Variants in FGF12 observed in about 807,000 individuals in gnomAD.
FGF12 encodes fibroblast growth factor 12.
In FGF12, 14 loss-of-function variants were observed where a neutral mutation model predicts 23.6. The ratio of observed to expected loss-of-function variants is 0.59; its 90% CI spans 0.39 to 0.93. FGF12 has a LOEUF of 0.93. Ranked by LOEUF, FGF12 falls within the 40% of genes least tolerant of loss-of-function variation. The pLI, the probability that FGF12 is intolerant of heterozygous loss-of-function variation, is 0.00. For missense variants in FGF12, 175 were observed against 217.8 expected (o/e 0.80, Z 1.24); for synonymous variants, 62 against 77.3 (o/e 0.80, Z 1.04).
At chr3:192,675,974 A>G (rs958340715) in intron 2 of FGF12, among the ~76,000 whole-genome samples, 6 of 152,304 alleles carry the variant, frequency 3.9e-5, no homozygotes, top group East Asian at 1.9e-4. Flanking sequence ...AGACTCACTC[A>G]GGTTGACATA....
At chr3:192,584,373 T>C (rs1213874302) in intron 2 of FGF12, among the ~76,000 whole-genome samples, 1 of 152,002 alleles carries the variant, frequency 6.6e-6, no homozygotes, top group Non-Finnish European at 1.5e-5. Context: ...AACATAATTA[T>C]AAGAATTTTT....
At chr3:192,224,242 T>C (rs1289773562) in intron 4 of FGF12, among the ~76,000 whole-genome samples, 1 of 152,162 alleles carries the variant, frequency 6.6e-6, no homozygotes, top group Admixed American at 6.6e-5. Context: ...ATTATGATGA[T>C]AGTGGTGATG....
At position 192,408,829 on chromosome 3, in the gene FGF12, C is replaced by T. The variant is rs1346930032; in HGVS notation, c.14-48291G>A. 2.0e-6 allele frequency: 2 copies of T among 985,534 alleles called. No homozygotes were observed. The highest frequency in any genetic ancestry group is 1.1e-4 in the East Asian group (1 of 8,818). The allele number at this position is 985,534 out of a possible 1,614,324, so 61.0% of individuals were successfully genotyped here. A position where few individuals can be genotyped will look rare whatever the true frequency, so the allele number is the denominator to read the frequency against. On this transcript the variant is annotated intron_variant, in intron 2 of 5. Transcript: ENST00000445105. This position sits in a 1 kb window ranked among gnomAD's most constrained non-coding sequence, Gnocchi z 7.3. Reference sequence around the variant, plus strand: ...GAAGGAGAGGAAGGCAGCAATTTAACTCCCTGCGGCCCGCGGTTCTGAAGA... The same window carrying T: ...GAAGGAGAGGAAGGCAGCAATTTAATTCCCTGCGGCCCGCGGTTCTGAAGA...
In FGF12 at chr3:192,677,316, C is replaced by T. The variant is rs1430176103; in HGVS notation, c.13+49865G>A. Among the ~76,000 whole-genome samples, 5 of 152,134 alleles carry T rather than the reference C, an allele frequency of 3.3e-5. No individual in the cohort carries two copies. In the East Asian group the frequency reaches 9.6e-4, roughly 29 times the overall value. The stretch of plus-strand genomic sequence containing the variant: ...CTGGTGAACTTCAGGGTTGAGATGA[C>T]CGTAGCCTTCCCCCTATTCCTGATC... On this transcript the variant is annotated intron_variant, in intron 2 of 5. Transcript: ENST00000445105.
At chr3:192,294,059 C>A (rs1714904851) in intron 4 of FGF12, among the ~76,000 whole-genome samples, 1 of 152,164 alleles carries the variant, frequency 6.6e-6, no homozygotes, top group African/African-American at 2.4e-5. Flanking sequence ...GTGAATAAAT[C>A]TCATGAGATC....
intron 4 of FGF12, among the ~76,000 whole-genome samples, chr3:192,313,251 G>A (rs1000811989): frequency 6.6e-6 from 1 of 152,140 alleles, no homozygotes; most frequent in Non-Finnish European, 1.5e-5. Context: ...GACAATGTGT[G>A]ACACATTAAT....
chr3:192,588,362 A>AAAAG (rs1203368112), intron 2 of FGF12, among the ~76,000 whole-genome samples: 3 of 146,970 alleles, frequency 2.0e-5, no homozygotes, highest in East Asian at 2.0e-4. Context: ...AAAAAAAAAA[A>AAAAG]AAAAAGAAAA....
At chr3:192,653,819 A>C (rs1378432871) in intron 2 of FGF12, among the ~76,000 whole-genome samples, 1 of 151,388 alleles carries the variant, frequency 6.6e-6, no homozygotes, top group Non-Finnish European at 1.5e-5. Flanking sequence ...AGTTCAAGTG[A>C]TTCTCCTGCC....
chr3:192,531,538 G>A (rs745548738), intron 2 of FGF12, among the ~76,000 whole-genome samples: 1 of 152,060 alleles, frequency 6.6e-6, no homozygotes, highest in Non-Finnish European at 1.5e-5. Flanking sequence ...AAAGAGGTTT[G>A]GGTATTTTTT....
At chr3:192,443,620 C>T (rs1722268468) in intron 2 of FGF12, among the ~76,000 whole-genome samples, 2 of 152,168 alleles carry the variant, frequency 1.3e-5, no homozygotes, top group African/African-American at 4.8e-5. Context: ...TTTAAAATAA[C>T]ATTTCGGTTA....
rs993358341 is a variant in FGF12 at position 192,142,640 on chromosome 3, C to T, written c.*1369G>A. On this transcript the variant is annotated 3_prime_UTR_variant, in exon 6 of 6. Coordinates refer to ENST00000445105, the MANE Select transcript of FGF12 (RefSeq NM_004113.6). Reference sequence around the variant, plus strand: ...TTTAGTATTCTTAACTATGTATGTGCCTTCTCTTACACTGAGTTCTTTTTT... The same window carrying T: ...TTTAGTATTCTTAACTATGTATGTGTCTTCTCTTACACTGAGTTCTTTTTT... 6.6e-6 allele frequency: 1 copy of T among 152,028 alleles called. No individual in the cohort carries two copies. Among genetic ancestry groups the T allele is most frequent in the Admixed American group, 6.6e-5 (1 of 15,238 alleles). The allele number at this position is 152,028 out of a possible 1,614,324, so 9.4% of individuals were successfully genotyped here. A position where few individuals can be genotyped will look rare whatever the true frequency, so the allele number is the denominator to read the frequency against.
chr3:192,603,346 C>T (rs1011718515), intron 2 of FGF12, among the ~76,000 whole-genome samples: 4 of 152,072 alleles, frequency 2.6e-5, no homozygotes, highest in African/African-American at 9.7e-5. Context: ...TTTTAGGATA[C>T]AAAATCAATG....
chr3:192,386,629 G>C (rs1426319035), intron 2 of FGF12, among the ~76,000 whole-genome samples: 2 of 152,068 alleles, frequency 1.3e-5, no homozygotes, highest in Non-Finnish European at 2.9e-5. Context: ...AAAATAATTA[G>C]AGTAATTTAT....
chr3:192,547,115 C>T (rs1054746043), intron 2 of FGF12, among the ~76,000 whole-genome samples: 1 of 152,150 alleles, frequency 6.6e-6, no homozygotes, highest in Admixed American at 6.5e-5. Context: ...GTTCCTTAGA[C>T]CTACCCAACT....
At chr3:192,312,078 A>G (rs2108673664) in intron 4 of FGF12, among the ~76,000 whole-genome samples, 1 of 152,156 alleles carries the variant, frequency 6.6e-6, no homozygotes, top group East Asian at 1.9e-4. Context: ...TTCTTATCAG[A>G]TATGTGGTTT....
chr3:192,310,218 T>C lies in FGF12; in HGVS notation c.228+25143A>G, dbSNP rs572491818. On this transcript the variant is annotated intron_variant, in intron 4 of 5. Transcript: ENST00000445105. Reference sequence around the variant, plus strand: ...TCTATGACTTTAGATGTGCTTATTATGTCTAACGATGAAGAAGGTGAAACA... The same window carrying C: ...TCTATGACTTTAGATGTGCTTATTACGTCTAACGATGAAGAAGGTGAAACA... Among the ~76,000 whole-genome samples the C allele has an allele frequency of 7.0e-4, 107 of 152,332 alleles. 1 individual carries two copies. In the Middle Eastern group the frequency reaches 0.02, roughly 29 times the overall value.
At chr3:192,456,882 T>A (rs933076330) in intron 2 of FGF12, among the ~76,000 whole-genome samples, 10 of 152,088 alleles carry the variant, frequency 6.6e-5, no homozygotes. Flanking sequence ...ACACATGCAG[T>A]GATATGGTTT....
rs566453083 is a variant in FGF12 at position 192,558,414 on chromosome 3, G to A, written c.13+168767C>T. Among the ~76,000 whole-genome samples the A allele has an allele frequency of 7.2e-5, 11 of 151,854 alleles. 1 individual carries two copies. The highest frequency in any genetic ancestry group is 2.7e-4 in the African/African-American group (11 of 41,496). On this transcript the variant is annotated intron_variant, in intron 2 of 5. Transcript: ENST00000445105. ...TGTACACTAAAAACTACAAAACTTT[G>A]TTGAAAGAAATTAAAGAAGACACAA...
At chr3:192,440,128 T>C (rs1468659320) in intron 2 of FGF12, among the ~76,000 whole-genome samples, 4 of 151,988 alleles carry the variant, frequency 2.6e-5, no homozygotes, top group South Asian at 2.1e-4. Flanking sequence ...AAGACTGCCA[T>C]GTGAAAGAGT....
Sources: allele counts gnomAD v4.1 joint callset (sites outside exome capture counted in the v4.1 genomes callset), GRCh38; gene constraint gnomAD v4.1.1; non-coding constraint Gnocchi (gnomAD v3.1); transcripts MANE v1.5; gene names NCBI Gene and HGNC (gene_info 2026-07-23, HGNC 2026-07-21).